Variants in ATRN observed in about 807,000 individuals in gnomAD.
ATRN encodes attractin.
In ATRN, 54 loss-of-function variants were observed where a neutral mutation model predicts 178.7. That is an observed-to-expected ratio of 0.30 (90% CI 0.24 to 0.38). ATRN has a LOEUF of 0.38. ATRN is among the 10% of genes least tolerant of loss of function. ATRN has a pLI of 1.00. For synonymous variants in ATRN, 636 were observed against 663.0 expected (o/e 0.96, Z 0.63); for missense variants, 1,443 against 1,815.1 (o/e 0.79, Z 3.73).
intron 1 of ATRN, among the ~76,000 whole-genome samples, chr20:3,516,980 A>G (rs961750182): frequency 2.6e-5 from 4 of 152,130 alleles, no homozygotes; most frequent in South Asian, 2.1e-4. Flanking sequence ...AGAATGAATT[A>G]TAATCCTTTG....
chr20:3,514,963 AT>A (rs955693487), intron 1 of ATRN, among the ~76,000 whole-genome samples: 3 of 152,212 alleles, frequency 2.0e-5, no homozygotes, highest in Non-Finnish European at 4.4e-5. Flanking sequence ...TCTCAAAAAA[AT>A]AAAAGAAAAA....
rs150538179 is a variant in ATRN, at chr20:3,572,777, A to G, written c.1918A>G (p.Ile640Val). The change falls in exon 12 of 29, where the codon ATC becomes GTC. Residue 640 changes from isoleucine to valine, a missense_variant. Physicochemically the swap from Ile to Val is conservative, Grantham distance 29. Transcript: ENST00000262919. ...TTTCAATAGTCTCCTCCTCAGCGAC[A>G]TCCTGGTATTCACCTCGGAACAGTG... ...GGFNSLLLSDILVFTSEQCDA... is the reference protein window; with the variant it reads ...GGFNSLLLSDVLVFTSEQCDA... 2.4e-5 allele frequency: 39 copies of G among 1,613,900 alleles called. No individual in the cohort carries two copies. Among genetic ancestry groups the G allele is most frequent in the Non-Finnish European group, 3.1e-5 (37 of 1,180,038 alleles).
Position 3,644,253 on chromosome 20 carries a change from C to T in ATRN, c.4150C>T (p.Pro1384Ser). ...RLPRGLGGIP[P>S]PGQSGLAVAS... ...CCCTCGAGGCCTGGGTGGCATCCCT[C>T]CTCCTGGGCAGTCAGGTGAGTAGAT... The change falls in exon 28 of 29, where the codon CCT becomes TCT. Residue 1384 changes from proline to serine, a missense_variant. Pro to Ser is a moderately conservative substitution (Grantham distance 74). This residue lies in a region of ATRN where 289 missense variants were observed against 440.8 expected (regional missense o/e 0.66). Transcript: ENST00000262919. 1.2e-6 allele frequency: 2 copies of T among 1,613,714 alleles called. No individual in the cohort carries two copies. Among genetic ancestry groups the T allele is most frequent in the Non-Finnish European group, 1.7e-6 (2 of 1,179,598 alleles).
intron 28 of ATRN, 129 bp downstream of exon 28, chr20:3,644,397 A>ACTGTT: frequency 1.3e-6 from 1 of 790,586 alleles, no homozygotes. Flanking sequence ...TGCCATGGCA[A>ACTGTT]GGATTCAGTG....
chr20:3,572,206 T>C (rs78847084), intron 11 of ATRN, among the ~76,000 whole-genome samples: 5,536 of 152,270 alleles, frequency 0.036, 338 homozygotes, highest in African/African-American at 0.13. Context: ...GCTTTAAATT[T>C]GTACATTTTT....
At chr20:3,552,078 T>C (rs1464523938) in intron 6 of ATRN, among the ~76,000 whole-genome samples, 1 of 152,234 alleles carries the variant, frequency 6.6e-6, no homozygotes, top group Non-Finnish European at 1.5e-5. Context: ...AAACACTTTC[T>C]TTAGTTGGCT....
intron 1 of ATRN, among the ~76,000 whole-genome samples, chr20:3,532,608 G>T (rs2085469382): frequency 6.6e-6 from 1 of 152,148 alleles, no homozygotes; most frequent in Admixed American, 6.6e-5. Context: ...GTTACAACTT[G>T]ATTATAGTAT....
At chr20:3,493,958 G>A (rs985462544) in intron 1 of ATRN, among the ~76,000 whole-genome samples, 2 of 152,102 alleles carry the variant, frequency 1.3e-5, no homozygotes, top group Admixed American at 6.6e-5. Flanking sequence ...AGGCACTGGC[G>A]AAAAAGAGGT....
chr20:3,630,624 C>G (rs527420334), intron 25 of ATRN, among the ~76,000 whole-genome samples: 1 of 152,284 alleles, frequency 6.6e-6, no homozygotes, highest in South Asian at 2.1e-4. Flanking sequence ...CCGGCCACTT[C>G]TACTGGACAT....
chr20:3,506,103 C>A (rs1313087385), intron 1 of ATRN, among the ~76,000 whole-genome samples: 1 of 152,004 alleles, frequency 6.6e-6, no homozygotes, highest in Non-Finnish European at 1.5e-5. Flanking sequence ...CAAATGAGTG[C>A]AAGTAAAACA....
At chr20:3,532,130 CAAAAACA>C (rs887940086) in intron 1 of ATRN, among the ~76,000 whole-genome samples, 52 of 152,044 alleles carry the variant, frequency 3.4e-4, no homozygotes, top group African/African-American at 1.1e-3. Flanking sequence ...GATTCTGTCT[CAAAAACA>C]AAAAACAAAA....
At chr20:3,614,455 T>A (rs1024392826) in intron 24 of ATRN, among the ~76,000 whole-genome samples, 5 of 152,200 alleles carry the variant, frequency 3.3e-5, no homozygotes, top group Non-Finnish European at 7.3e-5. Context: ...GTGTTTCATC[T>A]ACTGTTTTAT....
Position 3,632,513 on chromosome 20 carries a change from GCTC to G in ATRN, c.3864-1795_3864-1793del, listed in dbSNP as rs891248699. On this transcript the variant is annotated intron_variant, in intron 25 of 28. Transcript: ENST00000262919. The surrounding 1 kb of genome is among the most constrained non-coding windows in gnomAD (Gnocchi z 4.2). The stretch of plus-strand genomic sequence containing the variant: ...CCTTGCCTCGGGCTTTGCACTGACT[GCTC>G]CTTTTTCCAGATGCACTTTTGCAGG... Among the ~76,000 whole-genome samples the G allele has an allele frequency of 3.3e-5, 5 of 152,072 alleles. No individual in the cohort carries two copies. Among genetic ancestry groups the G allele is most frequent in the African/African-American group, 1.2e-4 (5 of 41,400 alleles).
intron 1 of ATRN, among the ~76,000 whole-genome samples, chr20:3,498,866 T>C (rs922216179): frequency 1.2e-4 from 17 of 140,518 alleles, no homozygotes; most frequent in Admixed American, 9.3e-4. Context: ...TAAAGGGTAT[T>C]CAATTAGGAA....
intron 1 of ATRN, among the ~76,000 whole-genome samples, chr20:3,523,000 C>T (rs531632597): frequency 2.0e-5 from 3 of 152,160 alleles, no homozygotes; most frequent in East Asian, 3.9e-4. Flanking sequence ...ACAAGAACGC[C>T]TCTTCTTCTC....
chr20:3,629,418 C>A, intron 25 of ATRN: 1 of 568,396 alleles, frequency 1.8e-6, no homozygotes, highest in Non-Finnish European at 2.2e-6. Flanking sequence ...TTTGTACATG[C>A]TTATCCCATT....
At chr20:3,557,323 AAG>A (rs2085890891) in intron 6 of ATRN, among the ~76,000 whole-genome samples, 8 of 152,206 alleles carry the variant, frequency 5.3e-5, no homozygotes, top group Admixed American at 5.2e-4. Flanking sequence ...ACCATGAAAA[AAG>A]AGGGAAATAA....
rs192315015 is a variant in ATRN at position 3,562,017 on chromosome 20, C to T, written c.1448-259C>T. ...CTGGGATTACACATGTAAGCCACTTCGCCTGGCCCTGAGTGTTTTAAATTT... is the reference window on the plus strand; with the variant it reads ...CTGGGATTACACATGTAAGCCACTTTGCCTGGCCCTGAGTGTTTTAAATTT... On this transcript the variant is annotated intron_variant, in intron 8 of 28. Coordinates refer to ENST00000262919, the MANE Select transcript of ATRN (RefSeq NM_139321.3). Among the ~76,000 whole-genome samples, 587 of 152,296 alleles carry T rather than the reference C, an allele frequency of 3.9e-3. 2 individuals carry two copies. Among genetic ancestry groups the T allele is most frequent in the Non-Finnish European group, 6.1e-3 (415 of 68,028 alleles).
rs1252973712 is a variant in ATRN, at chr20:3,575,963, C to T, written c.2214+15C>T. The T allele has an allele frequency of 1.9e-6, 3 of 1,610,648 alleles. No homozygotes were observed. Among genetic ancestry groups the T allele is most frequent in the Non-Finnish European group, 2.5e-6 (3 of 1,178,902 alleles). The stretch of plus-strand genomic sequence containing the variant: ...CAGAAGGCCAGGTCAGAGGCTGTTT[C>T]TTAAAGATTTCAGAAAAATCCCAAT... On this transcript the variant is annotated intron_variant, in intron 13 of 28. Transcript: ENST00000262919.
Sources: allele counts gnomAD v4.1 joint callset (sites outside exome capture counted in the v4.1 genomes callset), GRCh38; gene constraint gnomAD v4.1.1; regional missense constraint gnomAD v4.1.1; non-coding constraint Gnocchi (gnomAD v3.1); transcripts MANE v1.5; gene names NCBI Gene and HGNC (gene_info 2026-07-23, HGNC 2026-07-21).